Variants in ARHGEF18 observed in about 807,000 individuals in gnomAD.
ARHGEF18 encodes the protein Rho/Rac guanine nucleotide exchange factor 18, also known as rho guanine nucleotide exchange factor 18.
A neutral mutation model predicts 155.7 loss-of-function variants in ARHGEF18; 93 were observed. That is an observed-to-expected ratio of 0.60 (90% CI 0.50 to 0.71). ARHGEF18 has a LOEUF of 0.71. ARHGEF18 is among the 30% of genes least tolerant of loss of function. The pLI is 0.00. For missense variants in ARHGEF18, 1,593 were observed against 1,816.1 expected (o/e 0.88, Z 2.23); for synonymous variants, 742 against 753.1 (o/e 0.99, Z 0.24).
intron 1 of ARHGEF18, among the ~76,000 whole-genome samples, chr19:7,361,846 G>C (rs1969561566): frequency 6.6e-6 from 1 of 151,724 alleles, no homozygotes; most frequent in Admixed American, 6.6e-5. Context: ...CACAAAATTA[G>C]CCAGGTGCAG....
rs563343824 is a variant in ARHGEF18, at chr19:7,448,433, G to A, written c.1737+1265G>A. On this transcript the variant is annotated intron_variant, in intron 15 of 28. Transcript: ENST00000668164. Reference sequence around the variant, plus strand: ...TCCCAGCATTTTGGGAGGCCAAGGCGGGTGGATCACGAGGTCAGGAGATCG... The same window carrying A: ...TCCCAGCATTTTGGGAGGCCAAGGCAGGTGGATCACGAGGTCAGGAGATCG... Among the ~76,000 whole-genome samples the A allele has an allele frequency of 9.9e-5, 15 of 152,278 alleles. No homozygotes were observed. In the East Asian group the frequency reaches 2.5e-3, roughly 25 times the overall value.
At chr19:7,461,946 C>T (rs1201189601) in intron 20 of ARHGEF18, among the ~76,000 whole-genome samples, 2 of 152,172 alleles carry the variant, frequency 1.3e-5, no homozygotes, top group Non-Finnish European at 1.5e-5. Context: ...GCCACCACAG[C>T]TAACCTGATT....
chr19:7,373,473 T>G (rs564075136), intron 3 of ARHGEF18, among the ~76,000 whole-genome samples: 59 of 133,432 alleles, frequency 4.4e-4, no homozygotes, highest in Middle Eastern at 3.5e-3. Context: ...GTTTTTTTTT[T>G]TTTGTTTTTG....
intron 15 of ARHGEF18, among the ~76,000 whole-genome samples, chr19:7,448,772 C>T (rs924297163): frequency 1.3e-5 from 2 of 152,024 alleles, no homozygotes; most frequent in African/African-American, 4.8e-5. Flanking sequence ...TTTGTGTGAG[C>T]GTGGGTAGGT....
intron 10 of ARHGEF18, among the ~76,000 whole-genome samples, chr19:7,425,225 G>A (rs1331722367): frequency 6.6e-6 from 1 of 151,724 alleles, no homozygotes; most frequent in Non-Finnish European, 1.5e-5. Flanking sequence ...TGCCCCTAAG[G>A]TGACTCACCT....
intron 10 of ARHGEF18, among the ~76,000 whole-genome samples, chr19:7,411,447 C>T (rs1972682443): frequency 6.6e-6 from 1 of 152,040 alleles, no homozygotes; most frequent in Admixed American, 6.6e-5. Flanking sequence ...GATGGGATTA[C>T]AGGTGCACAC....
chr19:7,453,546 C>T lies in ARHGEF18; in HGVS notation c.1935C>T (p.Val645=), dbSNP rs749351214. The T allele has an allele frequency of 3.1e-6, 5 of 1,613,994 alleles. No individual in the cohort carries two copies. The highest frequency in any genetic ancestry group is 4.2e-6 in the Non-Finnish European group (5 of 1,180,006). The part of the protein sequence containing the change: ...KDIISQVDAK[V]SECEKGQRLR... ...TCATCTCACAAGTGGACGCCAAGGT[C>T]AGTGAGTGTGAGAAGGGCCAGCGCC... The change falls in exon 17 of 29, where the codon GTC becomes GTT. Residue 645 remains valine, a synonymous_variant. Transcript: ENST00000668164.
chr19:7,459,153 T>C (rs565105972), intron 19 of ARHGEF18, among the ~76,000 whole-genome samples: 5 of 152,204 alleles, frequency 3.3e-5, no homozygotes. Flanking sequence ...CAAACGATTC[T>C]GCTGCCTCAG....
Position 7,456,370 on chromosome 19 carries a change from A to G in ARHGEF18, c.2148A>G (p.Gln716=). 1 of 1,614,158 alleles carries G rather than the reference A, an allele frequency of 6.2e-7. No homozygotes were observed. The highest frequency in any genetic ancestry group is 8.5e-7 in the Non-Finnish European group (1 of 1,180,014). ...ILLTDVLLLL[Q]EKDQKYVFAS... The stretch of plus-strand genomic sequence containing the variant: ...TGACCGACGTACTTTTGCTGCTACA[A>G]GAAAAAGATCAGAAATACGTCTTTG... Residue 716 remains glutamine (Q), a synonymous_variant, in exon 18 of 29, where the codon CAA becomes CAG. Transcript: ENST00000668164.
In ARHGEF18 at chr19:7,382,449, C is replaced by T. The variant is rs546417950; in HGVS notation, c.723-343C>T. On this transcript the variant is annotated intron_variant, in intron 8 of 28. Coordinates refer to ENST00000668164, the MANE Select transcript of ARHGEF18 (RefSeq NM_001367823.1). ...AAATAAATAAAGGCCAATTAGATAC[C>T]GGGTGGGGGTGGGGGGCGTGAATTA... Among the ~76,000 whole-genome samples the T allele has an allele frequency of 2.2e-4, 9 of 41,654 alleles. No homozygotes were observed. The East Asian group carries it at 6.6e-3, about 30-fold the overall frequency. The allele number at this position is 41,654 out of a possible 152,430, so 27.3% of individuals were successfully genotyped here.
At position 7,389,317 on chromosome 19, in the gene ARHGEF18, ATTTTTTT is replaced by A. The variant is rs1203819709; in HGVS notation, c.967+6131_967+6137del. 1.5e-3 allele frequency among the ~76,000 whole-genome samples: 172 copies of A among 112,994 alleles called. 1 individual carries two copies. Among genetic ancestry groups the A allele is most frequent in the African/African-American group, 5.3e-3 (148 of 27,926 alleles). 74.1% of individuals were successfully genotyped at this position (112,994 alleles called of 152,430 possible). On this transcript the variant is annotated intron_variant, in intron 10 of 28. Transcript: ENST00000668164. Reference sequence around the variant, plus strand: ...AAGTGCATGCCATCATACCAGGATAATTTTTTTTTTTTTTTTTTTTTTTGTAGAAACA... The same window carrying A: ...AAGTGCATGCCATCATACCAGGATAATTTTTTTTTTTTTTTTGTAGAAACA...
intron 10 of ARHGEF18, among the ~76,000 whole-genome samples, chr19:7,383,995 T>G (rs2145459744): frequency 6.6e-6 from 1 of 152,262 alleles, no homozygotes; most frequent in East Asian, 1.9e-4. Flanking sequence ...TGCCGGGATT[T>G]AGAACTTTGT....
At chr19:7,386,753 C>T (rs111808619) in intron 10 of ARHGEF18, among the ~76,000 whole-genome samples, 5 of 152,174 alleles carry the variant, frequency 3.3e-5, no homozygotes, top group African/African-American at 1.2e-4. Context: ...CTCAGAGGAC[C>T]CTGTCACTTG....
chr19:7,391,282 C>T (rs573800160), intron 10 of ARHGEF18, among the ~76,000 whole-genome samples: 5 of 152,094 alleles, frequency 3.3e-5, no homozygotes, highest in African/African-American at 9.6e-5. Flanking sequence ...GTGGGACAGA[C>T]GGAGGAAACA....
In ARHGEF18 at chr19:7,467,181, G is replaced by A. The variant is rs200274612; in HGVS notation, c.3010-33G>A. ...TCCTGGTTGGCTGGGGCGCAGGTGC[G>A]GCTCTCACTCGCCTGGCCCTGGCCC... On this transcript the variant is annotated intron_variant, in intron 25 of 28. Coordinates refer to ENST00000668164, the MANE Select transcript of ARHGEF18 (RefSeq NM_001367823.1). 884 of 1,578,558 alleles carry A rather than the reference G, an allele frequency of 5.6e-4. 9 individuals are homozygous for A. The highest frequency in any genetic ancestry group is 1.0e-4 in the Admixed American group (6 of 58,192).
In ARHGEF18 at chr19:7,451,280, C is replaced by T. The variant is rs772476353; in HGVS notation, c.1855+14C>T. On this transcript the variant is annotated intron_variant, in intron 16 of 28. Transcript: ENST00000668164. ...AGAACACGGAAGGTAGGCCTTCTCC[C>T]CACTGCCCCGCCCGCCCGTGCTGCT... 1.2e-6 allele frequency: 2 copies of T among 1,611,300 alleles called. No homozygotes were observed. The highest frequency in any genetic ancestry group is 8.5e-7 in the Non-Finnish European group (1 of 1,178,204).
intron 1 of ARHGEF18, among the ~76,000 whole-genome samples, chr19:7,354,844 G>A (rs898791177): frequency 6.6e-6 from 1 of 152,110 alleles, no homozygotes; most frequent in East Asian, 1.9e-4. Context: ...AGGCTGCAGT[G>A]AGCTGTGGTC....
rs886307646 is a variant in ARHGEF18 at position 7,421,757 on chromosome 19, G to A, written c.968-18587G>A. 3.3e-5 allele frequency among the ~76,000 whole-genome samples: 5 copies of A among 151,998 alleles called. 1 individual carries two copies. The highest frequency in any genetic ancestry group is 1.2e-4 in the African/African-American group (5 of 41,384). ...AGACTGGGCAACAGAGTGACACTCC[G>A]CCTCAAAAATAAAGAAATAGGTGTC... On this transcript the variant is annotated intron_variant, in intron 10 of 28. Transcript: ENST00000668164.
chr19:7,476,938 T>G, downstream of ARHGEF18: 1 of 404,918 alleles, frequency 2.5e-6, no homozygotes, highest in South Asian at 9.7e-5. Flanking sequence ...AGGCCCCCTC[T>G]TCCTCATCTT....
Sources: allele counts gnomAD v4.1 joint callset (sites outside exome capture counted in the v4.1 genomes callset), GRCh38; gene constraint gnomAD v4.1.1; transcripts MANE v1.5; gene names NCBI Gene and HGNC (gene_info 2026-07-23, HGNC 2026-07-21).